The following PRKCE variants were observed in gnomAD, a reference collection of about 807,000 sequenced individuals.
PRKCE encodes protein kinase C epsilon, also known as protein kinase C epsilon type.
In PRKCE, 16 loss-of-function variants were observed where a neutral mutation model predicts 85.4. That is an observed-to-expected ratio of 0.19 (90% CI 0.13 to 0.28). The LOEUF (loss-of-function observed/expected upper bound fraction) is 0.28. Ranked by LOEUF, PRKCE falls within the 10% of genes least tolerant of loss-of-function variation. The pLI is 1.00. For synonymous variants in PRKCE, 388 were observed against 371.5 expected (o/e 1.04, Z -0.51); for missense variants, 573 against 975.2 (o/e 0.59, Z 5.49).
chr2:46,152,539 C>G (rs1574611216), intron 13 of PRKCE, among the ~76,000 whole-genome samples: 1 of 151,562 alleles, frequency 6.6e-6, no homozygotes, highest in East Asian at 2.0e-4. Flanking sequence ...GTATCACTTG[C>G]CATAATGAAT....
chr2:45,657,880 G>C (rs984851778), intron 1 of PRKCE, among the ~76,000 whole-genome samples: 3 of 152,192 alleles, frequency 2.0e-5, no homozygotes, highest in Non-Finnish European at 2.9e-5. Context: ...ATGCAACACA[G>C]ATGCCAGGGC....
At chr2:45,848,364 G>A (rs1411347332) in intron 2 of PRKCE, among the ~76,000 whole-genome samples, 2 of 151,886 alleles carry the variant, frequency 1.3e-5, no homozygotes, top group African/African-American at 4.8e-5. Flanking sequence ...AGGCTGGAGT[G>A]TGGCAGCAGG....
chr2:46,152,264 C>T (rs1676713297), intron 13 of PRKCE, among the ~76,000 whole-genome samples: 1 of 151,572 alleles, frequency 6.6e-6, no homozygotes, highest in South Asian at 2.1e-4. Context: ...TCACTGCAAT[C>T]TCCTCCTCCC....
chr2:45,713,378 A>G, intron 1 of PRKCE, among the ~76,000 whole-genome samples: 1 of 152,118 alleles, frequency 6.6e-6, no homozygotes, highest in East Asian at 1.9e-4. Flanking sequence ...ATGGTAATGG[A>G]TAGCTGTAAA....
chr2:45,851,420 C>T (rs1257490171), intron 2 of PRKCE, among the ~76,000 whole-genome samples: 1 of 152,130 alleles, frequency 6.6e-6, no homozygotes, highest in Admixed American at 6.5e-5. Flanking sequence ...ATGGGGCTTA[C>T]ATTCAAGTGG....
chr2:46,178,923 C>G (rs1364742342), intron 14 of PRKCE, among the ~76,000 whole-genome samples: 1 of 152,184 alleles, frequency 6.6e-6, no homozygotes, highest in African/African-American at 2.4e-5. Context: ...TGGAAGGAGA[C>G]TGGAGTTACG....
chr2:45,668,096 T>A (rs1676000306), intron 1 of PRKCE, among the ~76,000 whole-genome samples: 1 of 152,222 alleles, frequency 6.6e-6, no homozygotes, highest in Non-Finnish European at 1.5e-5. Context: ...ATCCCAGCAC[T>A]TTGAGAGGCC....
chr2:45,978,496 C>T (rs893165387), intron 3 of PRKCE: 1 of 153,818 alleles, frequency 6.5e-6, no homozygotes, highest in South Asian at 2.0e-4. Context: ...GTTCGGGGCA[C>T]AGACTGGCTT....
chr2:46,134,019 G>A (rs1050119039), intron 11 of PRKCE, among the ~76,000 whole-genome samples: 1 of 152,208 alleles, frequency 6.6e-6, no homozygotes, highest in East Asian at 1.9e-4. Context: ...GGGAGAATGG[G>A]TTGGAGAGTG....
chr2:46,149,920 G>A (rs1413997221), intron 12 of PRKCE, among the ~76,000 whole-genome samples: 1 of 150,700 alleles, frequency 6.6e-6, no homozygotes, highest in African/African-American at 2.4e-5. Flanking sequence ...GCAGTCGCAT[G>A]ATTATGACTC....
chr2:45,714,503 A>T (rs374047997), intron 1 of PRKCE, among the ~76,000 whole-genome samples: 1 of 152,252 alleles, frequency 6.6e-6, no homozygotes, highest in African/African-American at 2.4e-5. Context: ...ACATCTCAGG[A>T]TACAGAATGG....
intron 2 of PRKCE, among the ~76,000 whole-genome samples, chr2:45,916,992 AGCAGGATTTATT>A (rs1421091776): frequency 6.6e-6 from 1 of 152,182 alleles, no homozygotes; most frequent in Non-Finnish European, 1.5e-5. Flanking sequence ...AGTGAGCAGC[AGCAGGATTTATT>A]GCAAAGAGTG....
intron 11 of PRKCE, among the ~76,000 whole-genome samples, chr2:46,103,415 C>T (rs989997226): frequency 1.3e-5 from 2 of 152,128 alleles, no homozygotes; most frequent in Admixed American, 6.5e-5. Context: ...CTAGTTGCTG[C>T]TGGGATGTCA....
In PRKCE at chr2:46,151,108, T is replaced by G; in HGVS notation, c.1799T>G (p.Met600Arg). 6.3e-7 allele frequency: 1 copy of G among 1,599,636 alleles called. No homozygotes were observed. The highest frequency in any genetic ancestry group is 8.5e-7 in the Non-Finnish European group (1 of 1,179,918). Residue 600 changes from methionine to arginine, a missense_variant, in exon 13 of 15, where the codon ATG (methionine) becomes AGG (arginine). Physicochemically the swap from Met to Arg is moderately conservative, Grantham distance 91. Transcript: ENST00000306156. ...WWALGVLMYE[M>R]MAGQPPFEAD... is the part of the protein sequence containing the mutation. ...GCCCTGGGGGTGCTGATGTACGAGA[T>G]GATGGCTGGACAGCCTCCCTTTGAG...
intron 1 of PRKCE, among the ~76,000 whole-genome samples, chr2:45,793,370 C>T (rs768660510): frequency 5.3e-5 from 8 of 152,114 alleles, no homozygotes; most frequent in East Asian, 1.9e-4. Flanking sequence ...TTAGACACTT[C>T]GGGGGAGGGA....
At position 45,976,424 on chromosome 2, in the gene PRKCE, C is replaced by G. The variant is rs1016773532; in HGVS notation, c.413-5C>G. The G allele has an allele frequency of 6.3e-7, 1 of 1,599,228 alleles. No individual in the cohort carries two copies. The highest frequency in any genetic ancestry group is 8.5e-7 in the Non-Finnish European group (1 of 1,179,554). On this transcript the variant is annotated splice_polypyrimidine_tract_variant and splice_region_variant and intron_variant, in intron 2 of 14. Transcript: ENST00000306156. ...GTTTTCTTCCCTGCTCTTGTCCTTC[C>G]CCAGCCCCTAAAGACAATGAAGAGC...
chr2:45,796,689 C>A (rs1355339417), intron 1 of PRKCE, among the ~76,000 whole-genome samples: 5 of 152,156 alleles, frequency 3.3e-5, no homozygotes, highest in Admixed American at 2.6e-4. Flanking sequence ...TGTGGTCAAA[C>A]AAGGGTGAGC....
chr2:45,768,228 C>T (rs978426190), intron 1 of PRKCE, among the ~76,000 whole-genome samples: 5 of 149,710 alleles, frequency 3.3e-5, no homozygotes, highest in South Asian at 2.1e-4. Context: ...AATCAAAACA[C>T]GAAAGAGCCT....
At chr2:46,178,695 C>T (rs281469) in intron 14 of PRKCE, among the ~76,000 whole-genome samples, 121,529 of 152,138 alleles carry the variant, frequency 0.8, 48,855 homozygotes, top group East Asian at 0.96. Flanking sequence ...GGAGCATAGA[C>T]AAGAATATGG....
Sources: allele counts gnomAD v4.1 joint callset (sites outside exome capture counted in the v4.1 genomes callset), GRCh38; gene constraint gnomAD v4.1.1; transcripts MANE v1.5; gene names NCBI Gene and HGNC (gene_info 2026-07-23, HGNC 2026-07-21).